The following MANEA variants were observed in gnomAD, a reference collection of about 807,000 sequenced individuals.
MANEA encodes glycoprotein endo-alpha-1,2-mannosidase.
Under a neutral mutation model 36.8 loss-of-function variants are expected in MANEA, and 25 were observed. The observed-to-expected ratio is 0.68, with a 90% CI of 0.50 to 0.95. The LOEUF is 0.95. MANEA is among the 40% of genes least tolerant of loss of function. The pLI is 0.00. For missense variants in MANEA, 565 were observed against 558.8 expected (o/e 1.01, Z -0.11); for synonymous variants, 198 against 188.5 (o/e 1.05, Z -0.41).
intron 2 of MANEA, among the ~76,000 whole-genome samples, chr6:95,592,386 C>G (rs1046483650): frequency 5.9e-5 from 9 of 152,124 alleles, no homozygotes; most frequent in Admixed American, 4.6e-4. Flanking sequence ...TCTGATGATT[C>G]CAACGTATCT....
intron 1 of MANEA, among the ~76,000 whole-genome samples, chr6:95,578,307 GGCAGGTA>G (rs1769110441): frequency 6.6e-6 from 1 of 152,168 alleles, no homozygotes; most frequent in African/African-American, 2.4e-5. Context: ...TTGAAGTACA[GGCAGGTA>G]TAACTGTTTG....
At chr6:95,592,388 A>G (rs1769400141) in intron 2 of MANEA, among the ~76,000 whole-genome samples, 2 of 152,172 alleles carry the variant, frequency 1.3e-5, no homozygotes, top group African/African-American at 4.8e-5. Flanking sequence ...TGATGATTCC[A>G]ACGTATCTCA....
chr6:95,587,072 CATT>C (rs751528834), intron 2 of MANEA, 89 bp downstream of exon 2: 24 of 779,312 alleles, frequency 3.1e-5, no homozygotes, highest in African/African-American at 1.8e-4. Flanking sequence ...TTAATTTTCT[CATT>C]ATTATTAATT....
In MANEA at chr6:95,606,549, ATAT is replaced by A. The variant is rs1483377825; in HGVS notation, c.*148_*150del. Reference sequence around the variant, plus strand: ...TATTTTTTTAAATTCTTTACAGATAATATTATACTTGTTACCCTTCACAATACC... The same window carrying A: ...TATTTTTTTAAATTCTTTACAGATAATATACTTGTTACCCTTCACAATACC... On this transcript the variant is annotated 3_prime_UTR_variant, in exon 5 of 5. Coordinates refer to ENST00000358812, the MANE Select transcript of MANEA (RefSeq NM_024641.4). The A allele has an allele frequency of 4.8e-6, 2 of 415,558 alleles. No homozygotes were observed. The highest frequency in any genetic ancestry group is 2.1e-5 in the African/African-American group (1 of 48,518). The allele number at this position is 415,558 out of a possible 1,614,324, so 25.7% of individuals were successfully genotyped here.
At chr6:95,601,861 A>G (rs1412849497) in intron 3 of MANEA, among the ~76,000 whole-genome samples, 1 of 151,316 alleles carries the variant, frequency 6.6e-6, no homozygotes, top group East Asian at 2.0e-4. Context: ...CAGAAATCAC[A>G]TTTCTTATAC....
intron 3 of MANEA, among the ~76,000 whole-genome samples, chr6:95,598,639 A>G (rs1769529984): frequency 6.6e-6 from 1 of 152,176 alleles, no homozygotes; most frequent in South Asian, 2.1e-4. Context: ...ATCTACGGAT[A>G]AAACAACCAT....
rs1490261492 is a variant in MANEA, at chr6:95,607,850, T to C, written c.*1445T>C. On this transcript the variant is annotated 3_prime_UTR_variant, in exon 5 of 5. Transcript: ENST00000358812. ...GCAATAGAATAATGCTAAAAAATAA[T>C]GCCTATAAATCTTCAGAGTATAAAG... 1.3e-5 allele frequency: 2 copies of C among 151,726 alleles called. No homozygotes were observed. Among genetic ancestry groups the C allele is most frequent in the Admixed American group, 1.3e-4 (2 of 15,210 alleles). 9.4% of individuals were successfully genotyped at this position (151,726 alleles called of 1,614,324 possible).
At chr6:95,585,192 G>A (rs1769258386) in intron 1 of MANEA, among the ~76,000 whole-genome samples, 3 of 151,804 alleles carry the variant, frequency 2.0e-5, no homozygotes, top group South Asian at 4.2e-4. Flanking sequence ...CAGCCAAGAA[G>A]CACTGCATTA....
intron 3 of MANEA, among the ~76,000 whole-genome samples, chr6:95,601,377 CTGT>C (rs1769586780): frequency 6.6e-6 from 1 of 152,068 alleles, no homozygotes; most frequent in South Asian, 2.1e-4. Context: ...ACTTCCTGCC[CTGT>C]TGTTGTTGGG....
At chr6:95,597,344 A>C (rs74857276) in intron 3 of MANEA, among the ~76,000 whole-genome samples, 8,847 of 152,130 alleles carry the variant, frequency 0.058, 381 homozygotes, top group Non-Finnish European at 0.087. Context: ...GTGTGTTGCA[A>C]ATGAGGGAAC....
intron 3 of MANEA, among the ~76,000 whole-genome samples, chr6:95,603,214 T>C (rs949103192): frequency 2.6e-5 from 4 of 152,060 alleles, no homozygotes; most frequent in Non-Finnish European, 5.9e-5. Context: ...CAAATTCATT[T>C]TGATATAGGA....
Position 95,604,877 on chromosome 6 carries a change from C to T in MANEA, c.705C>T (p.Tyr235=). ...PYSNRDDQNM[Y]KNVKYIIDKY... is the part of the protein sequence containing the mutation. ...GCAATCGAGATGATCAAAACATGTA[C>T]AAAAATGTCAAGTATATTATAGACA... Residue 235 remains tyrosine, a synonymous_variant, in exon 4 of 5, where the codon TAC becomes TAT. Coordinates refer to ENST00000358812, the MANE Select transcript of MANEA (RefSeq NM_024641.4). 1 of 1,462,984 alleles carries T rather than the reference C, an allele frequency of 6.8e-7. No homozygotes were observed. The highest frequency in any genetic ancestry group is 9.3e-7 in the Non-Finnish European group (1 of 1,079,540). The allele number at this position is 1,462,984 out of a possible 1,614,324, so 90.6% of individuals were successfully genotyped here.
intron 2 of MANEA, among the ~76,000 whole-genome samples, chr6:95,590,429 A>T (rs1211964653): frequency 6.6e-6 from 1 of 152,172 alleles, no homozygotes; most frequent in Non-Finnish European, 1.5e-5. Flanking sequence ...AAAACACTGG[A>T]TGGATTTCAA....
intron 3 of MANEA, among the ~76,000 whole-genome samples, chr6:95,598,507 T>C (rs1183814101): frequency 1.3e-5 from 2 of 152,176 alleles, no homozygotes; most frequent in Non-Finnish European, 2.9e-5. Flanking sequence ...CCAGCTTCAC[T>C]AGAGTGAAAG....
chr6:95,607,214 T>A lies in MANEA; in HGVS notation c.*809T>A, dbSNP rs1327481479. The A allele has an allele frequency of 6.6e-6, 1 of 152,122 alleles. No homozygotes were observed. The highest frequency in any genetic ancestry group is 1.5e-5 in the Non-Finnish European group (1 of 67,982). 9.4% of individuals were successfully genotyped at this position (152,122 alleles called of 1,614,324 possible). ...CTTTTATGAAAAAGTTACTGATTGC[T>A]TCTCAGTTATTAGGAAAACAGTTGT... is the stretch of plus-strand genomic sequence containing the variant. On this transcript the variant is annotated 3_prime_UTR_variant, in exon 5 of 5. Coordinates refer to ENST00000358812, the MANE Select transcript of MANEA (RefSeq NM_024641.4).
In MANEA at chr6:95,607,369, G is replaced by T. The variant is rs1479002639; in HGVS notation, c.*964G>T. On this transcript the variant is annotated 3_prime_UTR_variant, in exon 5 of 5. Transcript: ENST00000358812. Reference sequence around the variant, plus strand: ...CAAATATTTTTTAGGAAAGAAAAATGTTATTACTGTCATTAGGTTGTCTTT... The same window carrying T: ...CAAATATTTTTTAGGAAAGAAAAATTTTATTACTGTCATTAGGTTGTCTTT... The T allele has an allele frequency of 1.3e-5, 2 of 152,036 alleles. No individual in the cohort carries two copies. The highest frequency in any genetic ancestry group is 3.9e-4 in the East Asian group (2 of 5,178). The allele number at this position is 152,036 out of a possible 1,614,324, so 9.4% of individuals were successfully genotyped here. A position where few individuals can be genotyped will look rare whatever the true frequency, so the allele number is the denominator to read the frequency against.
At position 95,596,752 on chromosome 6, in the gene MANEA, C is replaced by G. The variant is rs767646121; in HGVS notation, c.560C>G (p.Ser187Cys). Residue 187 changes from serine to cysteine, a missense_variant, in exon 3 of 5, where the codon TCT becomes TGT. Ser to Cys is a moderately radical substitution (Grantham distance 112). Transcript: ENST00000358812. ...RSASIGVLAL[S>C]WYPPDVNDEN... ...TTTCTATTAGGTGTACTAGCCCTCT[C>G]TTGGTACCCACCTGATGTAAATGAT... is the stretch of plus-strand genomic sequence containing the variant. 1.9e-6 allele frequency: 3 copies of G among 1,597,794 alleles called. No individual in the cohort carries two copies.
rs1479382620 is a variant in MANEA, at chr6:95,607,530, T to C, written c.*1125T>C. 1 of 151,952 alleles carries C rather than the reference T, an allele frequency of 6.6e-6. No homozygotes were observed. The highest frequency in any genetic ancestry group is 6.6e-5 in the Admixed American group (1 of 15,248). 9.4% of individuals were successfully genotyped at this position (151,952 alleles called of 1,614,324 possible). A position where few individuals can be genotyped will look rare whatever the true frequency, so the allele number is the denominator to read the frequency against. On this transcript the variant is annotated 3_prime_UTR_variant, in exon 5 of 5. Transcript: ENST00000358812. ...TTTGGCTTTACATTAAGTTTAGCAC[T>C]GTATCAGAATGAAGAAACTAATATT... is the stretch of plus-strand genomic sequence containing the variant.
intron 3 of MANEA, among the ~76,000 whole-genome samples, chr6:95,598,046 AT>A (rs11431676): frequency 6.6e-6 from 1 of 151,524 alleles, no homozygotes; most frequent in African/African-American, 2.4e-5. Context: ...ACTAAAATTA[AT>A]TTTTTTTGGT....
Sources: gnomAD v4.1 joint callset for allele counts (sites outside exome capture counted in the v4.1 genomes callset) on GRCh38, gnomAD v4.1.1 for gene constraint, MANE v1.5 for transcripts, NCBI Gene and HGNC (gene_info 2026-07-23, HGNC 2026-07-21) for gene names.